Variants in FARP1 observed in about 807,000 individuals in gnomAD.
The protein encoded by FARP1 is FERM, ARHGEF and pleckstrin domain-containing protein 1.
Under a neutral mutation model 128.8 loss-of-function variants are expected in FARP1, and 52 were observed. That is an observed-to-expected ratio of 0.40 (90% CI 0.32 to 0.51). FARP1 has a LOEUF of 0.51. Among genes scored for constraint, FARP1 ranks in the 20% least tolerant of loss-of-function variants. The probability of loss-of-function intolerance (pLI) is 0.45; values close to 1 mark genes in which losing one functional copy is unlikely to be tolerated. For missense variants in FARP1, 1,333 were observed against 1,367.9 expected (o/e 0.97, Z 0.40); for synonymous variants, 580 against 551.8 (o/e 1.05, Z -0.72).
chr13:98,247,811 C>T (rs1345094080), intron 2 of FARP1, among the ~76,000 whole-genome samples: 1 of 152,160 alleles, frequency 6.6e-6, no homozygotes, highest in Non-Finnish European at 1.5e-5. Context: ...AAGATGTCCG[C>T]AGCATCCAGA....
intron 13 of FARP1, among the ~76,000 whole-genome samples, chr13:98,408,923 G>A (rs1262402566): frequency 6.6e-6 from 1 of 152,196 alleles, no homozygotes; most frequent in Non-Finnish European, 1.5e-5. Flanking sequence ...AAGTACAGCA[G>A]TTGCTTAGAT....
At chr13:98,342,893 A>G (rs753388161) in intron 2 of FARP1, among the ~76,000 whole-genome samples, 9 of 151,998 alleles carry the variant, frequency 5.9e-5, no homozygotes, top group Non-Finnish European at 1.3e-4. Flanking sequence ...GCATGGTGGT[A>G]CATGCCTGTA....
intron 2 of FARP1, among the ~76,000 whole-genome samples, chr13:98,317,344 T>G (rs1197854434): frequency 6.6e-6 from 1 of 152,130 alleles, no homozygotes; most frequent in Non-Finnish European, 1.5e-5. Context: ...ACTGCAGCCA[T>G]GAACTCCTGG....
intron 2 of FARP1, among the ~76,000 whole-genome samples, chr13:98,286,223 C>G (rs1031717925): frequency 6.6e-6 from 1 of 152,136 alleles, no homozygotes; most frequent in African/African-American, 2.4e-5. Flanking sequence ...TCGTTATCTG[C>G]CCCTCTCTCC....
At chr13:98,169,381 G>C (rs565667586) in intron 1 of FARP1, among the ~76,000 whole-genome samples, 2 of 152,298 alleles carry the variant, frequency 1.3e-5, no homozygotes, top group South Asian at 4.1e-4. Context: ...TACACCCGTA[G>C]CTTTCTCAGA....
chr13:98,380,873 C>G (rs554597549), intron 6 of FARP1, among the ~76,000 whole-genome samples: 29 of 152,170 alleles, frequency 1.9e-4, no homozygotes, highest in African/African-American at 6.5e-4. Context: ...GCCACCATGC[C>G]TGACCAATAT....
intron 1 of FARP1, among the ~76,000 whole-genome samples, chr13:98,197,783 C>T (rs542981670): frequency 6.6e-6 from 1 of 151,928 alleles, no homozygotes; most frequent in South Asian, 2.1e-4. Flanking sequence ...TACAGGCACC[C>T]GCCACCACGC....
At chr13:98,280,372 C>CTGCTCTCA (rs542650792) in intron 2 of FARP1, among the ~76,000 whole-genome samples, 128 of 152,304 alleles carry the variant, frequency 8.4e-4, no homozygotes, top group African/African-American at 2.8e-3. Flanking sequence ...GCCTCGGCGG[C>CTGCTCTCA]TGCTCTCATG....
chr13:98,372,448 C>T (rs928878746), intron 5 of FARP1, among the ~76,000 whole-genome samples: 2 of 152,066 alleles, frequency 1.3e-5, no homozygotes, highest in Admixed American at 1.3e-4. Context: ...TGTTTAGCCA[C>T]CCTTTGTTCT....
chr13:98,392,572 A>G (rs533862345), intron 11 of FARP1, among the ~76,000 whole-genome samples: 96 of 151,952 alleles, frequency 6.3e-4, no homozygotes, highest in Non-Finnish European at 1.2e-3. Context: ...ACTCCCATAT[A>G]TAATTCTGCA....
chr13:98,205,039 G>A (rs1436887342), intron 1 of FARP1, among the ~76,000 whole-genome samples: 2 of 152,174 alleles, frequency 1.3e-5, no homozygotes, highest in Non-Finnish European at 2.9e-5. Flanking sequence ...CTTTGAGGAT[G>A]TTTTTGGCAT....
chr13:98,327,994 C>T (rs571952098), intron 2 of FARP1, among the ~76,000 whole-genome samples: 3 of 152,250 alleles, frequency 2.0e-5, no homozygotes, highest in African/African-American at 4.8e-5. Context: ...TTGAGATTCA[C>T]GGTCCCATGT....
intron 2 of FARP1, chr13:98,245,448 T>A: frequency 1.8e-6 from 1 of 558,946 alleles, no homozygotes; most frequent in Non-Finnish European, 2.3e-6. Context: ...AACTAAGTAA[T>A]ACGAAGTGAG....
At chr13:98,242,294 T>C (rs1269061448) in intron 2 of FARP1, among the ~76,000 whole-genome samples, 1 of 152,246 alleles carries the variant, frequency 6.6e-6, no homozygotes, top group Non-Finnish European at 1.5e-5. Flanking sequence ...TTTTTCTCCA[T>C]GCTTTTATCT....
intron 3 of FARP1, among the ~76,000 whole-genome samples, chr13:98,360,506 G>A (rs1888828611): frequency 6.6e-6 from 1 of 152,190 alleles, no homozygotes; most frequent in Admixed American, 6.5e-5. Context: ...GAAAGACCAG[G>A]CAAGGATGCA....
intron 2 of FARP1, among the ~76,000 whole-genome samples, chr13:98,241,310 G>T (rs4772057): frequency 0.35 from 52,605 of 149,914 alleles, 9,905 homozygotes; most frequent in East Asian, 0.62. Context: ...TGTGCTGGGG[G>T]CCCAGAAGCT....
intron 2 of FARP1, among the ~76,000 whole-genome samples, chr13:98,214,537 C>T (rs111721516): frequency 5.3e-5 from 8 of 152,232 alleles, no homozygotes; most frequent in African/African-American, 1.7e-4. Flanking sequence ...TAGTAGTCGG[C>T]ATTAACGTTG....
intron 13 of FARP1, 109 bp downstream of exon 13, chr13:98,395,585 G>A: frequency 1.5e-6 from 2 of 1,328,382 alleles, no homozygotes; most frequent in Non-Finnish European, 1.0e-6. Context: ...TCCCGATCCC[G>A]GTCCCGATCC....
At chr13:98,257,497 G>T (rs1399436788) in intron 2 of FARP1, among the ~76,000 whole-genome samples, 1 of 152,162 alleles carries the variant, frequency 6.6e-6, no homozygotes, top group Non-Finnish European at 1.5e-5. Flanking sequence ...CTGAGGCTGG[G>T]TGCAGTGGCT....
Sources: allele counts gnomAD v4.1 joint callset (sites outside exome capture counted in the v4.1 genomes callset), GRCh38; gene constraint gnomAD v4.1.1; transcripts MANE v1.5; gene names NCBI Gene and HGNC (gene_info 2026-07-23, HGNC 2026-07-21).